Variants in SLC6A11 observed in about 807,000 individuals in gnomAD.
The protein encoded by SLC6A11 is solute carrier family 6 member 11, also known as sodium- and chloride-dependent GABA transporter 3.
A neutral mutation model predicts 74.8 loss-of-function variants in SLC6A11; 25 were observed. The ratio of observed to expected loss-of-function variants is 0.33; its 90% CI spans 0.24 to 0.47. The LOEUF (loss-of-function observed/expected upper bound fraction) is 0.47. SLC6A11 is among the 20% of genes least tolerant of loss of function. The probability of loss-of-function intolerance (pLI) is 1.00; values close to 1 mark genes in which losing one functional copy is unlikely to be tolerated. For missense variants in SLC6A11, 574 were observed against 837.0 expected (o/e 0.69, Z 3.88); for synonymous variants, 330 against 330.2 (o/e 1.00, Z 0.01).
intron 1 of SLC6A11, among the ~76,000 whole-genome samples, chr3:10,818,379 G>A (rs1334668188): frequency 6.6e-6 from 1 of 152,088 alleles, no homozygotes; most frequent in Non-Finnish European, 1.5e-5. Context: ...CACACTTTTT[G>A]CTTTCTAATG....
chr3:10,835,793 C>G (rs890706287), intron 4 of SLC6A11, among the ~76,000 whole-genome samples: 2 of 152,194 alleles, frequency 1.3e-5, no homozygotes, highest in African/African-American at 4.8e-5. Flanking sequence ...AGTGTGTGTT[C>G]TGCAGGATGT....
intron 12 of SLC6A11, among the ~76,000 whole-genome samples, chr3:10,934,802 C>T (rs1434028163): frequency 6.6e-6 from 1 of 152,220 alleles, no homozygotes; most frequent in African/African-American, 2.4e-5. Context: ...GTCCCAGAAC[C>T]CAGGGCCACG....
chr3:10,912,791 G>T (rs1695404917), intron 7 of SLC6A11, among the ~76,000 whole-genome samples: 1 of 152,084 alleles, frequency 6.6e-6, no homozygotes, highest in Non-Finnish European at 1.5e-5. Flanking sequence ...GGAGGGCAGG[G>T]GACCTGCCCA....
intron 4 of SLC6A11, among the ~76,000 whole-genome samples, chr3:10,836,163 A>G (rs1694364391): frequency 6.6e-6 from 1 of 152,204 alleles, no homozygotes; most frequent in Admixed American, 6.5e-5. Flanking sequence ...TAACACTTTT[A>G]AGCTTTATCT....
chr3:10,882,652 A>T (rs1694996171), intron 6 of SLC6A11, among the ~76,000 whole-genome samples: 1 of 152,238 alleles, frequency 6.6e-6, no homozygotes, highest in Non-Finnish European at 1.5e-5. Context: ...AGAAGGAAGA[A>T]CAATTTCTAG....
At chr3:10,860,887 A>G (rs757068546) in intron 5 of SLC6A11, among the ~76,000 whole-genome samples, 1 of 152,260 alleles carries the variant, frequency 6.6e-6, no homozygotes, top group Non-Finnish European at 1.5e-5. Flanking sequence ...GTAGGTCTTC[A>G]TAGGAAATCC....
At chr3:10,882,683 G>A (rs149167199) in intron 6 of SLC6A11, among the ~76,000 whole-genome samples, 8 of 152,302 alleles carry the variant, frequency 5.3e-5, no homozygotes, top group East Asian at 1.9e-4. Context: ...GTTCTTTTGC[G>A]TTACGGTTGC....
intron 5 of SLC6A11, among the ~76,000 whole-genome samples, chr3:10,853,240 C>T (rs1452734028): frequency 1.3e-5 from 2 of 152,156 alleles, no homozygotes; most frequent in Non-Finnish European, 2.9e-5. Flanking sequence ...TGTGAGCTGC[C>T]TTGGACAGAT....
intron 4 of SLC6A11, among the ~76,000 whole-genome samples, chr3:10,830,000 G>A (rs1428209001): frequency 6.6e-6 from 1 of 152,114 alleles, no homozygotes; most frequent in Non-Finnish European, 1.5e-5. Flanking sequence ...AAAGATGAGT[G>A]GTGGGACACT....
intron 5 of SLC6A11, among the ~76,000 whole-genome samples, chr3:10,854,866 TC>T (rs1313206591): frequency 6.6e-6 from 1 of 152,172 alleles, no homozygotes; most frequent in Non-Finnish European, 1.5e-5. Context: ...TAAAATAAGC[TC>T]CCGAAGGACA....
chr3:10,883,555 G>T (rs1695007733), intron 6 of SLC6A11, among the ~76,000 whole-genome samples: 1 of 152,144 alleles, frequency 6.6e-6, no homozygotes, highest in African/African-American at 2.4e-5. Flanking sequence ...GAGCTGGGAT[G>T]AAAGATGCCC....
Position 10,911,850 on chromosome 3 carries a change from G to A in SLC6A11, c.892-240G>A, listed in dbSNP as rs7625514. On this transcript the variant is annotated intron_variant, in intron 6 of 13. Transcript: ENST00000254488. ...CATTCAAATTCTTGCTATTCACTGA[G>A]CTATTATTCATAAACTCTGGCAAAT... 1.1e-3 allele frequency among the ~76,000 whole-genome samples: 167 copies of A among 152,300 alleles called. 1 individual carries two copies. Among genetic ancestry groups the A allele is most frequent in the African/African-American group, 3.7e-3 (153 of 41,562 alleles).
intron 13 of SLC6A11, among the ~76,000 whole-genome samples, chr3:10,937,634 G>T (rs1177038697): frequency 6.6e-6 from 1 of 152,252 alleles, no homozygotes; most frequent in Non-Finnish European, 1.5e-5. Flanking sequence ...CTGAGGGGCA[G>T]GGCTGTGGGG....
At chr3:10,854,330 A>G (rs1298343666) in intron 5 of SLC6A11, among the ~76,000 whole-genome samples, 2 of 152,218 alleles carry the variant, frequency 1.3e-5, no homozygotes, top group African/African-American at 4.8e-5. Flanking sequence ...CAGAGGTTGC[A>G]GTGAGCCGAG....
chr3:10,913,902 C>T (rs368709954), intron 7 of SLC6A11, among the ~76,000 whole-genome samples: 1 of 152,132 alleles, frequency 6.6e-6, no homozygotes, highest in East Asian at 1.9e-4. Flanking sequence ...ACCGTGTTAG[C>T]CAGGATGGTC....
At chr3:10,857,734 CTTGT>C (rs1694655552) in intron 5 of SLC6A11, among the ~76,000 whole-genome samples, 2 of 152,294 alleles carry the variant, frequency 1.3e-5, no homozygotes, top group Admixed American at 1.3e-4. Context: ...CCCTGCACCC[CTTGT>C]TTGTGACAAG....
intron 6 of SLC6A11, among the ~76,000 whole-genome samples, chr3:10,875,798 A>G (rs1371662215): frequency 1.3e-5 from 2 of 152,216 alleles, no homozygotes; most frequent in South Asian, 2.1e-4. Flanking sequence ...AAAACAGAAC[A>G]TCTCACAAGC....
chr3:10,825,461 G>C (rs1223311311), intron 4 of SLC6A11: 2 of 152,142 alleles, frequency 1.3e-5, no homozygotes, highest in East Asian at 3.9e-4. Context: ...TTTTCTTACA[G>C]ATAGAAATTG....
intron 10 of SLC6A11, 55 bp downstream of exon 10, chr3:10,929,394 C>T: frequency 3.1e-6 from 5 of 1,596,018 alleles, no homozygotes; most frequent in Non-Finnish European, 4.3e-6. Flanking sequence ...ACGTCAACTC[C>T]CAGCTCTAAA....
Sources: gnomAD v4.1 joint callset for allele counts (sites outside exome capture counted in the v4.1 genomes callset) on GRCh38, gnomAD v4.1.1 for gene constraint, MANE v1.5 for transcripts, NCBI Gene and HGNC (gene_info 2026-07-23, HGNC 2026-07-21) for gene names.